VAV1: variants seen among roughly 807,000 people sequenced by gnomAD.
The protein encoded by VAV1 is proto-oncogene vav.
In VAV1, 33 loss-of-function variants were observed where a neutral mutation model predicts 128.1. The ratio of observed to expected loss-of-function variants is 0.26; its 90% confidence interval spans 0.20 to 0.34. The LOEUF (loss-of-function observed/expected upper bound fraction) is 0.34, where lower values mean the gene tolerates loss of function less well. VAV1 is among the 10% of genes least tolerant of loss of function. The pLI, the probability that VAV1 is intolerant of heterozygous loss-of-function variation, is 1.00. For missense variants in VAV1, 715 were observed against 1,093.7 expected, an observed-to-expected ratio of 0.65 and a Z score of 4.88; for synonymous variants, 394 against 409.8, an observed-to-expected ratio of 0.96 and a Z score of 0.47.
At chr19:6,810,730 G>A (rs968422544) in intron 1 of VAV1, among the ~76,000 whole-genome samples, 21 of 152,014 alleles carry the variant, frequency 1.4e-4, no homozygotes, top group African/African-American at 4.3e-4. Flanking sequence ...ACTCTAAGTT[G>A]ATTCTGAAGG....
At chr19:6,801,640 C>T (rs1483992855) in intron 1 of VAV1, among the ~76,000 whole-genome samples, 2 of 152,024 alleles carry the variant, frequency 1.3e-5, no homozygotes, top group Non-Finnish European at 2.9e-5. Flanking sequence ...TTTTTTCTAT[C>T]TCCCCAACCA....
intron 14 of VAV1, 86 bp downstream of exon 14, chr19:6,830,004 A>G: frequency 6.3e-7 from 1 of 1,588,358 alleles, no homozygotes; most frequent in Non-Finnish European, 8.6e-7. Flanking sequence ...TGTTTGCCAG[A>G]CTACATCTAC....
intron 1 of VAV1, among the ~76,000 whole-genome samples, chr19:6,784,820 C>A (rs1443371818): frequency 5.3e-5 from 8 of 152,032 alleles, no homozygotes; most frequent in Admixed American, 4.6e-4. Context: ...CACTGACCTC[C>A]TCTCTTGGTC....
At chr19:6,814,374 C>T (rs1028079943) in intron 1 of VAV1, among the ~76,000 whole-genome samples, 2 of 152,060 alleles carry the variant, frequency 1.3e-5, no homozygotes, top group African/African-American at 2.4e-5. Context: ...CCTCTTGCTC[C>T]GGAAGCAACC....
chr19:6,814,671 C>CTTTCTTTCTTTCCTTCTTTCTTTCTTT (rs540074087), intron 1 of VAV1, among the ~76,000 whole-genome samples: 5 of 25,796 alleles, frequency 1.9e-4, no homozygotes, highest in Non-Finnish European at 3.5e-4. Flanking sequence ...TTCCTTCCTT[C>CTTTCTTTCTTTCCTTCTTTCTTTCTTT]CTTTCTTTCT....
At chr19:6,801,428 G>A (rs1568292313) in intron 1 of VAV1, among the ~76,000 whole-genome samples, 1 of 152,158 alleles carries the variant, frequency 6.6e-6, no homozygotes. Flanking sequence ...GTGCTGGGGT[G>A]GTAGGGGATG....
chr19:6,832,021 G>T, intron 14 of VAV1, 70 bp from the exon 15 acceptor site: 1 of 1,316,118 alleles, frequency 7.6e-7, no homozygotes, highest in Non-Finnish European at 1.1e-6. Flanking sequence ...ACAGAGGGAG[G>T]GGTGGGTGGG....
At chr19:6,802,773 C>T (rs561655257) in intron 1 of VAV1, among the ~76,000 whole-genome samples, 41 of 152,182 alleles carry the variant, frequency 2.7e-4, no homozygotes, top group Non-Finnish European at 5.6e-4. Flanking sequence ...GTGCTGGTAT[C>T]TGGTTCTCCA....
intron 23 of VAV1, among the ~76,000 whole-genome samples, chr19:6,848,795 T>G (rs948451240): frequency 1.3e-5 from 2 of 151,466 alleles, no homozygotes; most frequent in African/African-American, 4.8e-5. Context: ...TTAATTTTAT[T>G]ATTATTATTG....
chr19:6,804,397 T>C (rs933605120), intron 1 of VAV1, among the ~76,000 whole-genome samples: 1 of 149,490 alleles, frequency 6.7e-6, no homozygotes, highest in African/African-American at 2.5e-5. Context: ...TCAGGGCAGT[T>C]TGGCGGTCCT....
At chr19:6,795,364 T>C (rs540664950) in intron 1 of VAV1, among the ~76,000 whole-genome samples, 2 of 152,234 alleles carry the variant, frequency 1.3e-5, no homozygotes, top group East Asian at 3.9e-4. Context: ...CTGAACTCTG[T>C]GTATCGCTCG....
At chr19:6,853,306 C>T (rs1972712950) in intron 25 of VAV1, among the ~76,000 whole-genome samples, 1 of 151,202 alleles carries the variant, frequency 6.6e-6, no homozygotes, top group South Asian at 2.1e-4. Context: ...CACTCTGTTG[C>T]CTAAGCTGGA....
At chr19:6,811,897 T>C (rs1453079227) in intron 1 of VAV1, among the ~76,000 whole-genome samples, 2 of 152,216 alleles carry the variant, frequency 1.3e-5, no homozygotes, top group Middle Eastern at 3.2e-3. Context: ...CGGGGGGCTT[T>C]TCCCCGCAGA....
At chr19:6,813,529 A>G (rs1024839758) in intron 1 of VAV1, among the ~76,000 whole-genome samples, 3 of 152,194 alleles carry the variant, frequency 2.0e-5, no homozygotes, top group African/African-American at 7.2e-5. Context: ...GAGGCTGGCT[A>G]CTACAAACAC....
Position 6,822,211 on chromosome 19 carries a change from C to A in VAV1, c.450-10C>A. On this transcript the variant is annotated splice_polypyrimidine_tract_variant and intron_variant, in intron 4 of 26. Coordinates refer to ENST00000602142, the MANE Select transcript of VAV1 (RefSeq NM_005428.4). This position sits in a 1 kb window ranked among gnomAD's most constrained non-coding sequence, Gnocchi z 5.9. Reference sequence around the variant, plus strand: ...GAGGTCCAAGGGATCCCTGACCTCACAACCCACAGCGACACGGTGGAGGAG... The same window carrying A: ...GAGGTCCAAGGGATCCCTGACCTCAAAACCCACAGCGACACGGTGGAGGAG... The A allele has an allele frequency of 6.4e-7, 1 of 1,569,964 alleles. No homozygotes were observed. Among genetic ancestry groups the A allele is most frequent in the East Asian group, 2.3e-5 (1 of 43,454 alleles).
chr19:6,790,899 CAT>C (rs1199669191), intron 1 of VAV1, among the ~76,000 whole-genome samples: 4 of 152,220 alleles, frequency 2.6e-5, no homozygotes, highest in Non-Finnish European at 4.4e-5. Context: ...GGTAAACTGA[CAT>C]AGCACTGGTG....
Position 6,774,427 on chromosome 19 carries a change from C to CTTTTTTTTTTTTTTTTT in VAV1, c.204+1425_204+1441dup, listed in dbSNP as rs1002823385. Among the ~76,000 whole-genome samples the CTTTTTTTTTTTTTTTTT allele has an allele frequency of 2.9e-4, 27 of 91,568 alleles. 3 individuals carry two copies. The highest frequency in any genetic ancestry group is 1.3e-3 in the African/African-American group (23 of 17,796). 60.1% of individuals were successfully genotyped at this position (91,568 alleles called of 152,430 possible). The stretch of plus-strand genomic sequence containing the variant: ...ACAGGTGTGAGCCACCGCGCCCAGC[C>CTTTTTTTTTTTTTTTTT]TTTTTTTTTTTTTTTTTTTTTTTTT... On this transcript the variant is annotated intron_variant, in intron 1 of 26. Transcript: ENST00000602142.
chr19:6,778,299 C>T (rs1970689387), intron 1 of VAV1, among the ~76,000 whole-genome samples: 1 of 152,146 alleles, frequency 6.6e-6, no homozygotes, highest in African/African-American at 2.4e-5. Context: ...GGCCAAGAGA[C>T]TGGAGAGGAA....
rs74174839 is a variant in VAV1, at chr19:6,787,573, GATTT to G, written c.204+14600_204+14603del. Among the ~76,000 whole-genome samples the G allele has an allele frequency of 6.4e-3, 937 of 147,172 alleles. 7 individuals are homozygous for G. The highest frequency in any genetic ancestry group is 0.014 in the Middle Eastern group (4 of 292). On this transcript the variant is annotated intron_variant, in intron 1 of 26. Transcript: ENST00000602142. ...CAGATGAGGGTGACCAACTACTCCAGATTTATTTATTTATTTATTTATTTATTTA... is the reference window on the plus strand; with the variant it reads ...CAGATGAGGGTGACCAACTACTCCAGATTTATTTATTTATTTATTTATTTA...
Sources: gnomAD v4.1 joint callset for allele counts (sites outside exome capture counted in the v4.1 genomes callset) on GRCh38, gnomAD v4.1.1 for gene constraint, Gnocchi (gnomAD v3.1) non-coding constraint, MANE v1.5 for transcripts, NCBI Gene and HGNC (gene_info 2026-07-23, HGNC 2026-07-21) for gene names.